The following MBOAT7 variants were observed in gnomAD, a reference collection of about 807,000 sequenced individuals.
MBOAT7 encodes the protein membrane bound acylglycerophosphatidylinositol O-acyltransferase MBOAT7.
In MBOAT7, 40 loss-of-function variants were observed where a neutral mutation model predicts 47.4. The observed-to-expected ratio is 0.84, with a 90% confidence interval of 0.66 to 1.10. MBOAT7 has a LOEUF of 1.10. Ranked by LOEUF, MBOAT7 falls within the 50% of genes least tolerant of loss-of-function variation. The pLI is 0.00. For synonymous variants in MBOAT7, 361 were observed against 292.0 expected (o/e 1.24, Z -2.41); for missense variants, 680 against 655.6 (o/e 1.04, Z -0.41).
At chr19:54,183,782 T>C in intron 4 of MBOAT7, 102 bp from the exon 5 acceptor site, 1 of 1,218,950 alleles carries the variant, frequency 8.2e-7, no homozygotes, top group Non-Finnish European at 1.1e-6. Flanking sequence ...GGGTGCTGGG[T>C]GCCCGCAGCT....
chr19:54,178,417 A>C lies in MBOAT7; in HGVS notation c.1031+348T>G, dbSNP rs78079321. 3,872 of 1,251,116 alleles carry C rather than the reference A, an allele frequency of 3.1e-3. 45 individuals are homozygous for C. The African/African-American group carries it at 0.034, about 11-fold the overall frequency. 77.5% of individuals were successfully genotyped at this position (1,251,116 alleles called of 1,614,324 possible). ...GTAATAAATAGCATTCACTCCATTC[A>C]ACACTTGAGGCAACTAAGAGGTCAA... On this transcript the variant is annotated intron_variant, in intron 7 of 7. Transcript: ENST00000245615.
intron 7 of MBOAT7, among the ~76,000 whole-genome samples, chr19:54,176,046 G>A (rs932042113): frequency 7.2e-5 from 11 of 152,052 alleles, no homozygotes; most frequent in South Asian, 2.1e-4. Context: ...TAGTAGAGAT[G>A]GGGTTTCACC....
At position 54,173,999 on chromosome 19, in the gene MBOAT7, C is replaced by G; in HGVS notation, c.*45G>C. ...CTGGGGAGGAGACAGCAGCCTGGTT[C>G]ACAGAATTCCCGGGACCAGCTGGCA... On this transcript the variant is annotated 3_prime_UTR_variant, in exon 8 of 8. Transcript: ENST00000245615. 1 of 1,528,314 alleles carries G rather than the reference C, an allele frequency of 6.5e-7. No individual in the cohort carries two copies. Among genetic ancestry groups the G allele is most frequent in the Non-Finnish European group, 8.8e-7 (1 of 1,141,892 alleles). The allele number at this position is 1,528,314 out of a possible 1,614,324, so 94.7% of individuals were successfully genotyped here. A position where few individuals can be genotyped will look rare whatever the true frequency, so the allele number is the denominator to read the frequency against.
rs749187680 is a variant in MBOAT7, at chr19:54,174,203, G to GT, written c.1259_1260insA (p.Asp421ArgfsTer95). On this transcript the variant is annotated frameshift_variant, in exon 8 of 8. Coordinates refer to ENST00000245615, the MANE Select transcript of MBOAT7 (RefSeq NM_024298.5). LOFTEE classifies it high-confidence loss of function. ...TGGAGGCCCAGTACCGAAGGGTGTC[G>GT]GCCAAGGAGAGCAGCACGAAGCCCA... 4 of 1,597,174 alleles carry GT rather than the reference G, an allele frequency of 2.5e-6. No homozygotes were observed. The African/African-American group carries it at 5.4e-5, about 22-fold the overall frequency.
Position 54,174,438 on chromosome 19 carries a change from A to G in MBOAT7, c.1032-7T>C, listed in dbSNP as rs1169829174. 9.8e-6 allele frequency: 15 copies of G among 1,534,330 alleles called. No individual in the cohort carries two copies. Among genetic ancestry groups the G allele is most frequent in the African/African-American group, 2.8e-5 (2 of 72,122 alleles). Reference sequence around the variant, plus strand: ...CAGCATGGTCCAGGCGCTCCTGAGGAGGAGGCTGGGAGTCAGGACCTACGA... The same window carrying G: ...CAGCATGGTCCAGGCGCTCCTGAGGGGGAGGCTGGGAGTCAGGACCTACGA... On this transcript the variant is annotated splice_region_variant and splice_polypyrimidine_tract_variant and intron_variant, in intron 7 of 7. Coordinates refer to ENST00000245615, the MANE Select transcript of MBOAT7 (RefSeq NM_024298.5).
chr19:54,183,719 C>T (rs1568812433), intron 4 of MBOAT7, 39 bp from the exon 5 acceptor site: 1 of 1,496,386 alleles, frequency 6.7e-7, no homozygotes, highest in African/African-American at 1.4e-5. Context: ...AGGTCAGACT[C>T]TGGGCCCTTC....
intron 5 of MBOAT7, among the ~76,000 whole-genome samples, chr19:54,182,005 A>G (rs868200503): frequency 6.4e-4 from 28 of 43,944 alleles, no homozygotes; most frequent in African/African-American, 9.8e-4. Flanking sequence ...GAGGGAGGGA[A>G]GGAGGGAAGG....
At position 54,180,913 on chromosome 19, in the gene MBOAT7, G is replaced by C; in HGVS notation, c.714C>G (p.Phe238Leu). ...PARLFYMIPV[F>L]FAFRMRFYVA... is the part of the protein sequence containing the mutation. Reference sequence around the variant, plus strand: ...CGTAGAAGCGCATGCGGAAGGCGAAGAAGACGGGGATCATGTAGAAGAGGC... The same window carrying C: ...CGTAGAAGCGCATGCGGAAGGCGAACAAGACGGGGATCATGTAGAAGAGGC... Residue 238 changes from phenylalanine (F) to leucine (L), a missense_variant, in exon 6 of 8, where the codon TTC (phenylalanine) becomes TTG (leucine). Physicochemically the swap from Phe to Leu is conservative, Grantham distance 22. Coordinates refer to ENST00000245615, the MANE Select transcript of MBOAT7 (RefSeq NM_024298.5). The surrounding 1 kb of genome is among the most constrained non-coding windows in gnomAD (Gnocchi z 5.2). 6.3e-7 allele frequency: 1 copy of C among 1,598,376 alleles called. No individual in the cohort carries two copies. Among genetic ancestry groups the C allele is most frequent in the Non-Finnish European group, 8.5e-7 (1 of 1,174,294 alleles).
Position 54,174,342 on chromosome 19 carries a change from G to A in MBOAT7, c.1121C>T (p.Ala374Val). Reference sequence around the variant, plus strand: ...GGCTGACTCCAGCCGGCCCTCGGCAGCCAGGCACAGCGGGATGGTCAGGAA... The same window carrying A: ...GGCTGACTCCAGCCGGCCCTCGGCAACCAGGCACAGCGGGATGGTCAGGAA... ...LSFLTIPLCLAAEGRLESALR... is the reference protein window; with the variant it reads ...LSFLTIPLCLVAEGRLESALR... Residue 374 changes from alanine to valine, a missense_variant, in exon 8 of 8, where the codon GCT becomes GTT. By Grantham distance (64) the Ala-to-Val change is moderately conservative (BLOSUM62 0). Transcript: ENST00000245615. 1 of 1,612,952 alleles carries A rather than the reference G, an allele frequency of 6.2e-7. No homozygotes were observed.
intron 5 of MBOAT7, 30 bp downstream of exon 5, chr19:54,183,491 C>G (rs752414141): frequency 4.4e-6 from 7 of 1,599,288 alleles, no homozygotes; most frequent in African/African-American, 1.3e-5. Flanking sequence ...GGAGACAGAG[C>G]GGCAGAGTTG....
rs2146943399 is a variant in MBOAT7, at chr19:54,173,645, A to G, written c.*399T>C. ...GGTGCGATGAGCTAAAAGTGGAGCG[A>G]AAGACACAAGGAAGAGGCTTCCCAC... On this transcript the variant is annotated 3_prime_UTR_variant, in exon 8 of 8. Coordinates refer to ENST00000245615, the MANE Select transcript of MBOAT7 (RefSeq NM_024298.5). 1 of 220,050 alleles carries G rather than the reference A, an allele frequency of 4.5e-6. No homozygotes were observed. The highest frequency in any genetic ancestry group is 9.7e-5 in the East Asian group (1 of 10,300). The allele number at this position is 220,050 out of a possible 1,614,324, so 13.6% of individuals were successfully genotyped here.
chr19:54,174,605 C>T (rs2076027332), intron 7 of MBOAT7, among the ~76,000 whole-genome samples, 174 bp from the exon 8 acceptor site: 1 of 151,518 alleles, frequency 6.6e-6, no homozygotes. Flanking sequence ...CCCTCAGACC[C>T]AGGAGATCAG....
Position 54,173,541 on chromosome 19 carries a change from C to G in MBOAT7, c.*503G>C, listed in dbSNP as rs2075972372. The G allele has an allele frequency of 5.5e-6, 1 of 181,620 alleles. No homozygotes were observed. The highest frequency in any genetic ancestry group is 1.2e-5 in the Non-Finnish European group (1 of 86,796). The allele number at this position is 181,620 out of a possible 1,614,324, so 11.3% of individuals were successfully genotyped here. On this transcript the variant is annotated 3_prime_UTR_variant, in exon 8 of 8. Coordinates refer to ENST00000245615, the MANE Select transcript of MBOAT7 (RefSeq NM_024298.5). ...CAGATGGAAGCCATGGGACGGCCGT[C>G]CCCAGGCCCGCGCACCCGCACCTCA...
In MBOAT7 at chr19:54,180,581, T is replaced by C; in HGVS notation, c.854+192A>G. Reference sequence around the variant, plus strand: ...TGACAAGCGCTAGCAACAAGGGGCATCTGTCAGTACCAGGGATCTTTTCCC... The same window carrying C: ...TGACAAGCGCTAGCAACAAGGGGCACCTGTCAGTACCAGGGATCTTTTCCC... On this transcript the variant is annotated intron_variant, in intron 6 of 7. Transcript: ENST00000245615. The surrounding 1 kb of genome is among the most constrained non-coding windows in gnomAD (Gnocchi z 5.2). The C allele has an allele frequency of 1.7e-6, 1 of 585,634 alleles. No individual in the cohort carries two copies. The highest frequency in any genetic ancestry group is 3.0e-6 in the Non-Finnish European group (1 of 338,562). 36.3% of individuals were successfully genotyped at this position (585,634 alleles called of 1,614,324 possible).
At chr19:54,187,746 G>A (rs554737470) in intron 3 of MBOAT7, among the ~76,000 whole-genome samples, 2 of 152,232 alleles carry the variant, frequency 1.3e-5, no homozygotes, top group Admixed American at 6.5e-5. Flanking sequence ...GGCCGGATGC[G>A]GTGGCTCACG....
At position 54,188,065 on chromosome 19, in the gene MBOAT7, GAAAGACAA is replaced by G. The variant is rs1292289746; in HGVS notation, c.206+144_206+151del. ...AGAAAGAAAGAAAGAAAGAAAGAAA[GAAAGACAA>G]ACAAACAAACATGAAACAGAGAAAT... On this transcript the variant is annotated intron_variant, in intron 3 of 7. Coordinates refer to ENST00000245615, the MANE Select transcript of MBOAT7 (RefSeq NM_024298.5). The G allele has an allele frequency of 3.4e-4, 74 of 215,730 alleles. 1 individual carries two copies. Among genetic ancestry groups the G allele is most frequent in the Admixed American group, 2.1e-3 (14 of 6,594 alleles). 13.4% of individuals were successfully genotyped at this position (215,730 alleles called of 1,614,324 possible).
At position 54,173,552 on chromosome 19, in the gene MBOAT7, C is replaced by T. The variant is rs183320758; in HGVS notation, c.*492G>A. On this transcript the variant is annotated 3_prime_UTR_variant, in exon 8 of 8. Coordinates refer to ENST00000245615, the MANE Select transcript of MBOAT7 (RefSeq NM_024298.5). ...CATGGGACGGCCGTCCCCAGGCCCG[C>T]GCACCCGCACCTCAGTTTCCCCTTT... 9.5e-5 allele frequency: 17 copies of T among 179,020 alleles called. No homozygotes were observed. Among genetic ancestry groups the T allele is most frequent in the Admixed American group, 2.9e-4 (5 of 17,276 alleles). The allele number at this position is 179,020 out of a possible 1,614,324, so 11.1% of individuals were successfully genotyped here.
rs374807150 is a variant in MBOAT7 at position 54,188,015 on chromosome 19, C to CAGAAAGAAAGAAAGAA, written c.206+186_206+201dup. ...GGGCAACAGGAGCGAAACTCCATCT[C>CAGAAAGAAAGAAAGAA]AGAAAGAAAGAAAGAAAGAAAGAAA... is the stretch of plus-strand genomic sequence containing the variant. On this transcript the variant is annotated intron_variant, in intron 3 of 7. Transcript: ENST00000245615. 2.6e-3 allele frequency among the ~76,000 whole-genome samples: 204 copies of CAGAAAGAAAGAAAGAA among 78,278 alleles called. 2 individuals carry two copies. Among genetic ancestry groups the CAGAAAGAAAGAAAGAA allele is most frequent in the African/African-American group, 6.8e-3 (127 of 18,720 alleles). The allele number at this position is 78,278 out of a possible 152,430, so 51.4% of individuals were successfully genotyped here. A position where few individuals can be genotyped will look rare whatever the true frequency, so the allele number is the denominator to read the frequency against.
chr19:54,186,629 C>G (rs2076434418), intron 4 of MBOAT7, among the ~76,000 whole-genome samples: 1 of 152,200 alleles, frequency 6.6e-6, no homozygotes. Flanking sequence ...ACAGGGCACA[C>G]TGAATGCTGG....
Sources: gnomAD v4.1 joint callset for allele counts (sites outside exome capture counted in the v4.1 genomes callset) on GRCh38, gnomAD v4.1.1 for gene constraint, Gnocchi (gnomAD v3.1) non-coding constraint, MANE v1.5 for transcripts, NCBI Gene and HGNC (gene_info 2026-07-23, HGNC 2026-07-21) for gene names.